The following MOGAT3 variants were observed in gnomAD, a reference collection of about 807,000 sequenced individuals.
MOGAT3 encodes the protein monoacylglycerol O-acyltransferase 3.
A neutral mutation model predicts 34.4 loss-of-function variants in MOGAT3; 39 were observed. That is an observed-to-expected ratio of 1.13 (90% CI 0.88 to 1.48). The LOEUF is 1.48. Ranked by LOEUF, MOGAT3 falls within the 40% of genes most tolerant of loss-of-function variation. The probability of loss-of-function intolerance (pLI) is 0.00; values close to 1 mark genes in which losing one functional copy is unlikely to be tolerated. For synonymous variants in MOGAT3, 209 were observed against 179.2 expected (o/e 1.17, Z -1.33); for missense variants, 439 against 438.9 (o/e 1.00, Z 0.00).
chr7:101,195,961 G>T lies in MOGAT3; in HGVS notation c.1011C>A (p.Cys337Ter), dbSNP rs772567784. The change falls in exon 7 of 7, where the codon TGC (cysteine) becomes TGA (stop). Residue 337 changes from cysteine (C) to a stop codon, truncating the protein, a stop_gained. Coordinates refer to ENST00000223114, the MANE Select transcript of MOGAT3 (RefSeq NM_178176.4). LOFTEE classifies it high-confidence loss of function. ...GCGGCCAGGCCTAGATGAAGGTGAG[G>T]CAGGTGGAAGCGGGGACCCCACAGC... ...KESCGVPAST[C>*]LTFI The T allele has an allele frequency of 8.5e-5, 138 of 1,614,068 alleles. 2 individuals are homozygous for T. In the South Asian group the frequency reaches 1.5e-3, roughly 17 times the overall value.
In MOGAT3 at chr7:101,196,387, G is replaced by T; in HGVS notation, c.671C>A (p.Ala224Glu). 6.2e-7 allele frequency: 1 copy of T among 1,606,866 alleles called. No individual in the cohort carries two copies. Among genetic ancestry groups the T allele is most frequent in the South Asian group, 1.1e-5 (1 of 90,176 alleles). The change falls in exon 6 of 7, where the codon GCG (alanine) becomes GAG (glutamate). Residue 224 changes from alanine to glutamate, a missense_variant and splice_region_variant. Coordinates refer to ENST00000223114, the MANE Select transcript of MOGAT3 (RefSeq NM_178176.4). ...AAAGGAGTACACGGGCACCAGGGAC[G>T]CCCTGGGAAGGAGCAAGAGAGAAGA... The part of the protein sequence containing the change: ...GFVRLALRHG[A>E]SLVPVYSFGE...
At chr7:101,196,783 C>T (rs150536891) in intron 5 of MOGAT3, among the ~76,000 whole-genome samples, 1 of 152,164 alleles carries the variant, frequency 6.6e-6, no homozygotes, top group Non-Finnish European at 1.5e-5. Flanking sequence ...GCACAAGAAT[C>T]GCTTGAACCT....
chr7:101,200,483 G>T lies in MOGAT3; in HGVS notation c.142C>A (p.Leu48Ile). The part of the protein sequence containing the change: ...PFFSLLVFVL[L>I]FTSLWPFSVF... ...GAGAAGGGCCAGAGTGACGTGAAGA[G>T]GAGGACAAAGACAAGAAGGGAGAAG... is the stretch of plus-strand genomic sequence containing the variant. The change falls in exon 2 of 7, where the codon CTC becomes ATC. Residue 48 changes from leucine to isoleucine, a missense_variant. Transcript: ENST00000223114. 3.1e-6 allele frequency: 5 copies of T among 1,603,506 alleles called. No individual in the cohort carries two copies. Among genetic ancestry groups the T allele is most frequent in the Non-Finnish European group, 4.3e-6 (5 of 1,174,680 alleles).
downstream of MOGAT3, among the ~76,000 whole-genome samples, chr7:101,192,910 A>T (rs1016455220): frequency 6.8e-6 from 1 of 147,978 alleles, no homozygotes; most frequent in African/African-American, 2.5e-5. Flanking sequence ...CATCTCTACT[A>T]AAAAAAAAAT....
rs746213218 is a variant in MOGAT3, at chr7:101,200,288, C to T, written c.234G>A (p.Glu78=). 6.8e-6 allele frequency: 11 copies of T among 1,614,092 alleles called. No homozygotes were observed. In the South Asian group the frequency reaches 8.8e-5, roughly 13 times the overall value. Residue 78 remains glutamate, a synonymous_variant, in exon 3 of 7, where the codon GAG becomes GAA. Coordinates refer to ENST00000223114, the MANE Select transcript of MOGAT3 (RefSeq NM_178176.4). Reference sequence around the variant, plus strand: ...TCCAAATTGCCCGGTTCCTTATCCACTCCGAACGCCTTCCACCTGCGGACA... The same window carrying T: ...TCCAAATTGCCCGGTTCCTTATCCATTCCGAACGCCTTCCACCTGCGGACA... ...DTPNQGGRRS[E]WIRNRAIWRQ... is the part of the protein sequence containing the mutation.
Position 101,196,110 on chromosome 7 carries a change from G to C in MOGAT3, c.872-10C>G. The C allele has an allele frequency of 6.2e-7, 1 of 1,602,468 alleles. No individual in the cohort carries two copies. The highest frequency in any genetic ancestry group is 8.5e-7 in the Non-Finnish European group (1 of 1,174,058). ...GGGATGGGGCGGCCCACTGCAGGGAGAGGGAGACAGGTGGGCGAGGGATCC... is the reference window on the plus strand; with the variant it reads ...GGGATGGGGCGGCCCACTGCAGGGACAGGGAGACAGGTGGGCGAGGGATCC... On this transcript the variant is annotated splice_polypyrimidine_tract_variant and intron_variant, in intron 6 of 6. Transcript: ENST00000223114.
At position 101,198,218 on chromosome 7, in the gene MOGAT3, C is replaced by G. The variant is rs370137222; in HGVS notation, c.641G>C (p.Gly214Ala). The G allele has an allele frequency of 3.1e-6, 5 of 1,613,288 alleles. No individual in the cohort carries two copies. The highest frequency in any genetic ancestry group is 4.2e-6 in the Non-Finnish European group (5 of 1,179,626). ...GTGCCTCAGCGCCAGGCGCACGAAGCCTTTGCGCTTCTGGAGCGTAAGGCA... is the reference window on the plus strand; with the variant it reads ...GTGCCTCAGCGCCAGGCGCACGAAGGCTTTGCGCTTCTGGAGCGTAAGGCA... Reference protein sequence around the residue: ...EHCLTLQKRKGFVRLALRHGA... With the variant: ...EHCLTLQKRKAFVRLALRHGA... Residue 214 changes from glycine to alanine, a missense_variant, in exon 5 of 7, where the codon GGC becomes GCC. Transcript: ENST00000223114.
chr7:101,200,255 T>C lies in MOGAT3; in HGVS notation c.267A>G (p.Leu89=). ...WIRNRAIWRQ[L]RDYYPVKLVK... is the part of the protein sequence containing the mutation. The stretch of plus-strand genomic sequence containing the variant: ...TCACCTTGACAGGATAATAATCCCT[T>C]AGTTGTCTCCAAATTGCCCGGTTCC... The change falls in exon 3 of 7, where the codon CTA becomes CTG. Residue 89 remains leucine, a synonymous_variant. Coordinates refer to ENST00000223114, the MANE Select transcript of MOGAT3 (RefSeq NM_178176.4). The C allele has an allele frequency of 6.2e-7, 1 of 1,613,990 alleles. No homozygotes were observed. The highest frequency in any genetic ancestry group is 8.5e-7 in the Non-Finnish European group (1 of 1,179,970).
intron 3 of MOGAT3, among the ~76,000 whole-genome samples, chr7:101,199,262 T>TGGGATTACAGGCTGGGATTA (rs1469712344): frequency 6.6e-6 from 1 of 152,194 alleles, no homozygotes; most frequent in Non-Finnish European, 1.5e-5. Context: ...TGCCTTGGCC[T>TGGGATTACAGGCTGGGATTA]CCCACAGTGC....
downstream of MOGAT3, among the ~76,000 whole-genome samples, chr7:101,194,529 G>A (rs571498547): frequency 8.0e-6 from 1 of 125,298 alleles, no homozygotes; most frequent in East Asian, 2.4e-4. Flanking sequence ...TTGAGACGGA[G>A]TCTGGCTCTG....
Position 101,198,786 on chromosome 7 carries a change from C to T in MOGAT3, c.333G>A (p.Leu111=), listed in dbSNP as rs773679093. 6.2e-7 allele frequency: 1 copy of T among 1,614,006 alleles called. No individual in the cohort carries two copies. Among genetic ancestry groups the T allele is most frequent in the Admixed American group, 1.7e-5 (1 of 59,996 alleles). The change falls in exon 4 of 7, where the codon CTG becomes CTA. Residue 111 remains leucine, a synonymous_variant. Transcript: ENST00000223114. ...AELPPDRNYV[L]GAHPHGIMCT... ...ACATGATCCCATGAGGGTGGGCGCCCAGCACGTAGTTCCGATCCGGGGGCA... is the reference window on the plus strand; with the variant it reads ...ACATGATCCCATGAGGGTGGGCGCCTAGCACGTAGTTCCGATCCGGGGGCA...
chr7:101,196,724 C>G (rs1195686281), intron 5 of MOGAT3, among the ~76,000 whole-genome samples: 5 of 152,010 alleles, frequency 3.3e-5, no homozygotes, highest in African/African-American at 9.7e-5. Context: ...TAAAAATTAG[C>G]CAGGTGTGGA....
At chr7:101,199,438 G>C (rs1267591766) in intron 3 of MOGAT3, among the ~76,000 whole-genome samples, 2 of 151,960 alleles carry the variant, frequency 1.3e-5, no homozygotes, top group Non-Finnish European at 2.9e-5. Flanking sequence ...TCAGCCTCCA[G>C]AGTAGCTGGG....
At chr7:101,198,901 C>G in intron 3 of MOGAT3, 71 bp from the exon 4 acceptor site, 1 of 1,388,428 alleles carries the variant, frequency 7.2e-7, no homozygotes, top group East Asian at 2.3e-5. Flanking sequence ...GGCCCTCCAC[C>G]CCAACAGAGT....
Position 101,198,355 on chromosome 7 carries a change from C to G in MOGAT3, c.504G>C (p.Pro168=), listed in dbSNP as rs747184031. The G allele has an allele frequency of 5.2e-6, 8 of 1,551,206 alleles. No homozygotes were observed. The highest frequency in any genetic ancestry group is 7.0e-6 in the Non-Finnish European group (8 of 1,146,390). ...TGAAGTCCAGGCTCTGGCGGCTCAC[C>G]GGACAGAGTCCTGTGGGCAGGAGGA... is the stretch of plus-strand genomic sequence containing the variant. The part of the protein sequence containing the change: ...RDYIMSFGLC[P]VSRQSLDFIL... The change falls in exon 5 of 7, where the codon CCG becomes CCC. Residue 168 remains proline (P), a synonymous_variant. Coordinates refer to ENST00000223114, the MANE Select transcript of MOGAT3 (RefSeq NM_178176.4).
intron 3 of MOGAT3, among the ~76,000 whole-genome samples, chr7:101,199,616 T>A (rs891822952): frequency 4.3e-4 from 1 of 2,338 alleles, no homozygotes; most frequent in African/African-American, 1.3e-3. Context: ...ACAACCGCCT[T>A]TTTTTTTTTT....
Position 101,198,736 on chromosome 7 carries a change from G to C in MOGAT3, c.383C>G (p.Ser128Cys), listed in dbSNP as rs752979714. ...CTGGGAGAAGCCATTGCTCTCGGTGGAGAAATTACAGAGGAAGCCTGTACA... is the reference window on the plus strand; with the variant it reads ...CTGGGAGAAGCCATTGCTCTCGGTGCAGAAATTACAGAGGAAGCCTGTACA... Reference protein sequence around the residue: ...IMCTGFLCNFSTESNGFSQLF... With the variant: ...IMCTGFLCNFCTESNGFSQLF... The change falls in exon 4 of 7, where the codon TCC becomes TGC. Residue 128 changes from serine (S) to cysteine (C), a missense_variant. Ser to Cys is a moderately radical substitution (Grantham distance 112, BLOSUM62 -1). Coordinates refer to ENST00000223114, the MANE Select transcript of MOGAT3 (RefSeq NM_178176.4). The C allele has an allele frequency of 6.2e-7, 1 of 1,613,698 alleles. No individual in the cohort carries two copies. Among genetic ancestry groups the C allele is most frequent in the East Asian group, 2.2e-5 (1 of 44,838 alleles).
intron 5 of MOGAT3, 116 bp downstream of exon 5, chr7:101,198,075 C>A: frequency 8.3e-7 from 1 of 1,206,912 alleles, no homozygotes; most frequent in South Asian, 1.6e-5. Context: ...CGGTGCAGGG[C>A]AGGGCGCTGG....
downstream of MOGAT3, among the ~76,000 whole-genome samples, chr7:101,193,573 C>T (rs1489963711): frequency 6.6e-6 from 1 of 152,026 alleles, no homozygotes; most frequent in African/African-American, 2.4e-5. Context: ...GGATTACAGA[C>T]ACCTGCCACT....
Sources: allele counts gnomAD v4.1 joint callset (sites outside exome capture counted in the v4.1 genomes callset), GRCh38; gene constraint gnomAD v4.1.1; transcripts MANE v1.5; gene names NCBI Gene and HGNC (gene_info 2026-07-23, HGNC 2026-07-21).